PARPBP: variants seen among roughly 807,000 people sequenced by gnomAD.
The protein encoded by PARPBP is PCNA-interacting partner.
Under a neutral mutation model 50.0 loss-of-function variants are expected in PARPBP, and 52 were observed. The observed-to-expected ratio is 1.04, with a 90% CI of 0.83 to 1.31. PARPBP has a LOEUF of 1.31. Among genes scored for constraint, PARPBP ranks in the 50% most tolerant of loss-of-function variants. PARPBP has a pLI of 0.00. For synonymous variants in PARPBP, 244 were observed against 232.1 expected, an observed-to-expected ratio of 1.05 and a Z score of -0.47; for missense variants, 697 against 672.0, an observed-to-expected ratio of 1.04 and a Z score of -0.41.
At chr12:102,163,757 C>T (rs980726763) in intron 4 of PARPBP, among the ~76,000 whole-genome samples, 1 of 152,162 alleles carries the variant, frequency 6.6e-6, no homozygotes, top group Non-Finnish European at 1.5e-5. Flanking sequence ...ACTTATTGTA[C>T]TTTTCATTTC....
At chr12:102,150,476 A>G (rs1054492916) in intron 3 of PARPBP, 2 of 336,876 alleles carry the variant, frequency 5.9e-6, no homozygotes, top group African/African-American at 2.2e-5. Context: ...GAAATAAGGT[A>G]GGGATTATGA....
intron 8 of PARPBP, among the ~76,000 whole-genome samples, chr12:102,181,618 A>C (rs114133641): frequency 4.8e-4 from 73 of 152,348 alleles, no homozygotes; most frequent in African/African-American, 1.5e-3. Flanking sequence ...GTTATGCAGC[A>C]CATGACCGTA....
intron 4 of PARPBP, among the ~76,000 whole-genome samples, chr12:102,158,113 T>G (rs1887152587): frequency 9.7e-6 from 1 of 103,488 alleles, no homozygotes; most frequent in Non-Finnish European, 1.8e-5. Flanking sequence ...AGTGCGAGAC[T>G]CCATCTCAAA....
At position 102,169,569 on chromosome 12, in the gene PARPBP, T is replaced by C. The variant is rs553180232; in HGVS notation, c.821+3686T>C. ...TACTTCACATTTTTTATGTTCTTTC[T>C]CCTCATCTCTTCCTATAGCTACTAT... On this transcript the variant is annotated intron_variant, in intron 6 of 10. Transcript: ENST00000327680. Among the ~76,000 whole-genome samples, 5 of 152,276 alleles carry C rather than the reference T, an allele frequency of 3.3e-5. No homozygotes were observed. In the East Asian group the frequency reaches 7.7e-4, roughly 23 times the overall value.
chr12:102,182,482 G>A, intron 8 of PARPBP, 67 bp from the exon 9 acceptor site: 1 of 1,119,786 alleles, frequency 8.9e-7, no homozygotes, highest in East Asian at 2.4e-5. Flanking sequence ...GTTTCAACGT[G>A]AATTTGGAGG....
chr12:102,177,223 A>G (rs1310734841), intron 7 of PARPBP, among the ~76,000 whole-genome samples: 2 of 152,214 alleles, frequency 1.3e-5, no homozygotes, highest in Non-Finnish European at 2.9e-5. Flanking sequence ...CTGCCAACAG[A>G]GAAAGAAGGC....
chr12:102,155,594 T>TGA (rs1555216731), intron 4 of PARPBP, among the ~76,000 whole-genome samples: 1 of 40,452 alleles, frequency 2.5e-5, no homozygotes, highest in Non-Finnish European at 5.6e-5. Context: ...GAGAGCATGG[T>TGA]GGGGGGGGGG....
At chr12:102,144,103 C>T (rs1885036996) in intron 2 of PARPBP, among the ~76,000 whole-genome samples, 1 of 152,140 alleles carries the variant, frequency 6.6e-6, no homozygotes, top group Non-Finnish European at 1.5e-5. Context: ...AGGAAACTGA[C>T]TCAGGGGTTT....
intron 2 of PARPBP, among the ~76,000 whole-genome samples, chr12:102,138,647 C>A (rs1233207358): frequency 2.0e-5 from 3 of 152,140 alleles, no homozygotes; most frequent in African/African-American, 7.2e-5. Context: ...TTTAATCCAT[C>A]TTGAATTAAT....
At chr12:102,177,584 A>G (rs1044603616) in intron 7 of PARPBP, among the ~76,000 whole-genome samples, 7 of 151,990 alleles carry the variant, frequency 4.6e-5, no homozygotes, top group Non-Finnish European at 1.0e-4. Flanking sequence ...TATTACTACT[A>G]TCTTAGTTCA....
chr12:102,130,290 A>G (rs553799222), intron 2 of PARPBP, among the ~76,000 whole-genome samples: 15 of 152,346 alleles, frequency 9.8e-5, no homozygotes, highest in African/African-American at 3.4e-4. Flanking sequence ...AAAACCCTGG[A>G]AGACAACCTA....
chr12:102,171,074 T>C (rs1210741683), intron 6 of PARPBP, among the ~76,000 whole-genome samples: 1 of 151,824 alleles, frequency 6.6e-6, no homozygotes, highest in Admixed American at 6.6e-5. Flanking sequence ...CCTGGAGGTG[T>C]CATCTCCTAC....
chr12:102,153,537 T>C (rs966685903), intron 3 of PARPBP, among the ~76,000 whole-genome samples: 2 of 152,190 alleles, frequency 1.3e-5, no homozygotes, highest in African/African-American at 2.4e-5. Context: ...AGACAGAGTT[T>C]CGTTGTGTTG....
At chr12:102,173,602 TA>T (rs1002026965) in intron 6 of PARPBP, among the ~76,000 whole-genome samples, 3 of 151,560 alleles carry the variant, frequency 2.0e-5, no homozygotes, top group Non-Finnish European at 2.9e-5. Flanking sequence ...GATTTTTTTT[TA>T]AAAAAAACTT....
At chr12:102,140,540 T>A (rs1484523808) in intron 2 of PARPBP, among the ~76,000 whole-genome samples, 1 of 152,220 alleles carries the variant, frequency 6.6e-6, no homozygotes, top group Non-Finnish European at 1.5e-5. Flanking sequence ...TGAATGTGTT[T>A]GCTCTTGCTT....
At chr12:102,182,771 A>C in intron 9 of PARPBP, 144 bp downstream of exon 9, 1 of 660,074 alleles carries the variant, frequency 1.5e-6, no homozygotes, top group Non-Finnish European at 2.7e-6. Context: ...GAGTTATGAC[A>C]GTTGACGTAC....
At position 102,127,885 on chromosome 12, in the gene PARPBP, T is replaced by TA. The variant is rs967036717; in HGVS notation, c.153+3852dup. Among the ~76,000 whole-genome samples the TA allele has an allele frequency of 7.0e-4, 106 of 152,252 alleles. No homozygotes were observed. The Middle Eastern group carries it at 0.01, about 15-fold the overall frequency. ...GGCCTTAGACAAATCACTTAATTTT[T>TA]AAAAAAAATTAGTTTTTTAAATTGA... On this transcript the variant is annotated intron_variant, in intron 2 of 10. Transcript: ENST00000327680.
intron 2 of PARPBP, among the ~76,000 whole-genome samples, chr12:102,130,031 G>A (rs1882605964): frequency 6.6e-6 from 1 of 152,140 alleles, no homozygotes; most frequent in South Asian, 2.1e-4. Context: ...CATGGTATTG[G>A]TAGAAAAACA....
chr12:102,161,490 T>G (rs1450651432), intron 4 of PARPBP, among the ~76,000 whole-genome samples: 1 of 152,240 alleles, frequency 6.6e-6, no homozygotes, highest in Admixed American at 6.5e-5. Flanking sequence ...TCATTCATCA[T>G]TGAATGAAAA....
Sources: allele counts gnomAD v4.1 joint callset (sites outside exome capture counted in the v4.1 genomes callset), GRCh38; gene constraint gnomAD v4.1.1; transcripts MANE v1.5; gene names NCBI Gene and HGNC (gene_info 2026-07-23, HGNC 2026-07-21).